Variants in GRIN3A observed in about 807,000 individuals in gnomAD.
GRIN3A encodes the protein glutamate ionotropic receptor NMDA type subunit 3A, also known as glutamate receptor ionotropic, NMDA 3A.
GRIN3A carries 47 observed loss-of-function variants against 92.4 expected under a neutral mutation model. The ratio of observed to expected loss-of-function variants is 0.51; its 90% confidence interval spans 0.40 to 0.65. GRIN3A has a LOEUF of 0.65. Among genes scored for constraint, GRIN3A ranks in the 30% least tolerant of loss-of-function variants. The pLI is 0.00. For synonymous variants in GRIN3A, 527 were observed against 540.6 expected (o/e 0.97, Z 0.35); for missense variants, 1,324 against 1,393.1 (o/e 0.95, Z 0.79).
At position 101,670,699 on chromosome 9, in the gene GRIN3A, T is replaced by C; in HGVS notation, c.1713A>G (p.Lys571=). ...LHSSNDTVPI[K]FKKCCYGYCI... ...AATATCCATAGCAGCACTTCTTGAA[T>C]TTAATGGGCACTGTATCATTACTGC... Residue 571 remains lysine (K), a synonymous_variant, in exon 3 of 9, where the codon AAA becomes AAG. Transcript: ENST00000361820. 1 of 1,614,108 alleles carries C rather than the reference T, an allele frequency of 6.2e-7. No individual in the cohort carries two copies. Among genetic ancestry groups the C allele is most frequent in the South Asian group, 1.1e-5 (1 of 91,082 alleles).
At chr9:101,655,583 A>T (rs1564136731) in intron 3 of GRIN3A, among the ~76,000 whole-genome samples, 1 of 151,966 alleles carries the variant, frequency 6.6e-6, no homozygotes, top group African/African-American at 2.4e-5. Context: ...GAGGCAGCAC[A>T]TTGTCCCAAA....
At chr9:101,701,319 C>T (rs1177492008) in intron 1 of GRIN3A, among the ~76,000 whole-genome samples, 26 of 151,996 alleles carry the variant, frequency 1.7e-4, no homozygotes, top group Admixed American at 1.4e-3. Context: ...ATTTCATCAC[C>T]GACGTATTAA....
At chr9:101,591,917 T>C (rs1828031533) in intron 6 of GRIN3A, 1 of 152,234 alleles carries the variant, frequency 6.6e-6, no homozygotes, top group Non-Finnish European at 1.5e-5. Context: ...AATGTGAGCA[T>C]GTAATCCAAT....
At chr9:101,654,273 A>C (rs1829053606) in intron 3 of GRIN3A, among the ~76,000 whole-genome samples, 1 of 119,288 alleles carries the variant, frequency 8.4e-6, no homozygotes, top group Non-Finnish European at 1.9e-5. Context: ...GCTCTGGTAC[A>C]TACACATGCA....
intron 1 of GRIN3A, among the ~76,000 whole-genome samples, chr9:101,728,377 C>T: frequency 6.6e-6 from 1 of 152,052 alleles, no homozygotes; most frequent in Admixed American, 6.6e-5. Context: ...GGAGTGACAA[C>T]CCATTTCTAA....
intron 6 of GRIN3A, among the ~76,000 whole-genome samples, chr9:101,588,480 C>T (rs1827977073): frequency 6.6e-6 from 1 of 152,050 alleles, no homozygotes; most frequent in South Asian, 2.1e-4. Context: ...GATTCTTGAG[C>T]CCCCATTTCT....
intron 1 of GRIN3A, among the ~76,000 whole-genome samples, chr9:101,719,789 G>A (rs1219993868): frequency 4.6e-5 from 7 of 152,150 alleles, no homozygotes; most frequent in Non-Finnish European, 1.0e-4. Context: ...CCACTACCCA[G>A]TACTATTTAG....
intron 1 of GRIN3A, among the ~76,000 whole-genome samples, chr9:101,722,584 G>A (rs1830026577): frequency 6.6e-6 from 1 of 152,338 alleles, no homozygotes; most frequent in Admixed American, 6.5e-5. Flanking sequence ...AGCCACAGGG[G>A]CAGAGCTGCC....
chr9:101,575,882 A>G (rs76574686), intron 8 of GRIN3A, among the ~76,000 whole-genome samples: 2,825 of 152,296 alleles, frequency 0.019, 85 homozygotes, highest in African/African-American at 0.063. Flanking sequence ...AGCCACAGTG[A>G]TAAGGTAAGT....
chr9:101,633,283 T>C (rs926369722), intron 3 of GRIN3A, among the ~76,000 whole-genome samples: 4 of 152,216 alleles, frequency 2.6e-5, no homozygotes, highest in African/African-American at 7.2e-5. Context: ...CCTGGTATTA[T>C]GTTCTTTGGA....
At chr9:101,663,236 T>TC (rs1564138508) in intron 3 of GRIN3A, among the ~76,000 whole-genome samples, 1 of 152,054 alleles carries the variant, frequency 6.6e-6, no homozygotes, top group Non-Finnish European at 1.5e-5. Flanking sequence ...AGATCAGGTC[T>TC]CCTGCCAGGC....
Position 101,676,261 on chromosome 9 carries a change from G to A in GRIN3A, c.1305-5154C>T, listed in dbSNP as rs546199508. Among the ~76,000 whole-genome samples the A allele has an allele frequency of 4.6e-5, 7 of 151,462 alleles. No homozygotes were observed. In the South Asian group the frequency reaches 1.5e-3, roughly 32 times the overall value. ...TTTTCACTCATCAATTTGTCTCTTT[G>A]TATATCTACCTCTCTTTTTTTTCTT... is the stretch of plus-strand genomic sequence containing the variant. On this transcript the variant is annotated intron_variant, in intron 2 of 8. Transcript: ENST00000361820.
chr9:101,605,570 G>T (rs548485023), intron 6 of GRIN3A, among the ~76,000 whole-genome samples: 1 of 152,250 alleles, frequency 6.6e-6, no homozygotes, highest in African/African-American at 2.4e-5. Flanking sequence ...CCATCTTTTA[G>T]TGGGTGAAGG....
chr9:101,631,123 C>T (rs1214796003), intron 3 of GRIN3A, among the ~76,000 whole-genome samples: 1 of 152,122 alleles, frequency 6.6e-6, no homozygotes, highest in South Asian at 2.1e-4. Context: ...ATGTGATTAG[C>T]GTCTAGACTC....
At position 101,737,357 on chromosome 9, in the gene GRIN3A, T is replaced by C. The variant is rs771984651; in HGVS notation, c.623A>G (p.Glu208Gly). The C allele has an allele frequency of 1.9e-6, 3 of 1,614,058 alleles. No homozygotes were observed. Among genetic ancestry groups the C allele is most frequent in the African/African-American group, 2.7e-5 (2 of 74,942 alleles). The change falls in exon 1 of 9, where the codon GAG (glutamate) becomes GGG (glycine). Residue 208 changes from glutamate (E) to glycine (G), a missense_variant. Coordinates refer to ENST00000361820, the MANE Select transcript of GRIN3A (RefSeq NM_133445.3). The part of the protein sequence containing the change: ...AFPQSQGEMM[E>G]LDLVSLVLHI... ...CAGGACTAAGCTGACCAAGTCGAGC[T>C]CCATCATTTCGCCCTGGCTCTGGGG...
At chr9:101,609,347 T>C (rs1017664507) in intron 6 of GRIN3A, among the ~76,000 whole-genome samples, 1 of 152,206 alleles carries the variant, frequency 6.6e-6, no homozygotes, top group Non-Finnish European at 1.5e-5. Context: ...AGTACTTCTA[T>C]TATTTACTAT....
chr9:101,707,272 G>A (rs2119009287), intron 1 of GRIN3A, among the ~76,000 whole-genome samples: 1 of 152,296 alleles, frequency 6.6e-6, no homozygotes, highest in African/African-American at 2.4e-5. Flanking sequence ...CCATGATAAT[G>A]GTGTAATGAA....
At chr9:101,598,681 A>C (rs561756622) in intron 6 of GRIN3A, among the ~76,000 whole-genome samples, 1 of 152,256 alleles carries the variant, frequency 6.6e-6, no homozygotes, top group Non-Finnish European at 1.5e-5. Context: ...CTACTAGTAG[A>C]GATGAAGTCT....
At chr9:101,595,030 A>T in intron 6 of GRIN3A, 11 of 1,115,946 alleles carry the variant, frequency 9.9e-6, no homozygotes, top group African/African-American at 1.7e-5. Flanking sequence ...GTGGGGGTAG[A>T]GGGCTCCCGG....
Sources: gnomAD v4.1 joint callset for allele counts (sites outside exome capture counted in the v4.1 genomes callset) on GRCh38, gnomAD v4.1.1 for gene constraint, MANE v1.5 for transcripts, NCBI Gene and HGNC (gene_info 2026-07-23, HGNC 2026-07-21) for gene names.